Variants in SNX1 observed in about 807,000 individuals in gnomAD.
SNX1 encodes sorting nexin 1.
Under a neutral mutation model 71.8 loss-of-function variants are expected in SNX1, and 36 were observed. The observed-to-expected ratio is 0.50, with a 90% CI of 0.38 to 0.66. The LOEUF (loss-of-function observed/expected upper bound fraction) is 0.66, where lower values mean the gene tolerates loss of function less well. Ranked by LOEUF, SNX1 falls within the 30% of genes least tolerant of loss-of-function variation. The pLI, the probability that SNX1 is intolerant of heterozygous loss-of-function variation, is 0.00. For synonymous variants in SNX1, 254 were observed against 240.7 expected, an observed-to-expected ratio of 1.06 and a Z score of -0.51; for missense variants, 612 against 646.7, an observed-to-expected ratio of 0.95 and a Z score of 0.58.
In SNX1 at chr15:64,130,029, T is replaced by A. The variant is rs1436752565; in HGVS notation, c.921T>A (p.Ile307=). 4 of 1,608,916 alleles carry A rather than the reference T, an allele frequency of 2.5e-6. No homozygotes were observed. In the African/African-American group the frequency reaches 4.0e-5, roughly 16 times the overall value. Residue 307 remains isoleucine (I), a splice_region_variant and synonymous_variant, in exon 9 of 15, where the codon ATT becomes ATA. Transcript: ENST00000559844. ...KMTIKMNESD[I]WFEEKLQEVE... ...CCATCAAGATGAATGAATCAGACATTGTGAGTAGCCCTGTGCCTCTTACCT... is the reference window on the plus strand; with the variant it reads ...CCATCAAGATGAATGAATCAGACATAGTGAGTAGCCCTGTGCCTCTTACCT...
At chr15:64,126,050 AT>A (rs765522799) in intron 5 of SNX1, 28 bp from the exon 6 acceptor site, 4 of 1,613,284 alleles carry the variant, frequency 2.5e-6, no homozygotes, top group Non-Finnish European at 3.4e-6. Flanking sequence ...TTGGAATGAA[AT>A]TGCCTTGTGT....
At chr15:64,115,158 T>C (rs1029917680) in intron 2 of SNX1, among the ~76,000 whole-genome samples, 5 of 152,198 alleles carry the variant, frequency 3.3e-5, no homozygotes, top group Admixed American at 2.6e-4. Flanking sequence ...TACCCAGTGA[T>C]TGGGTTTTAT....
chr15:64,118,707 T>G (rs1366358080), intron 3 of SNX1, 81 bp from the exon 4 acceptor site: 2 of 985,746 alleles, frequency 2.0e-6, no homozygotes, highest in Non-Finnish European at 3.1e-6. Flanking sequence ...TTTTATTAGA[T>G]TGGTATAAGG....
In SNX1 at chr15:64,130,037, G is replaced by T; in HGVS notation, c.921+8G>T. On this transcript the variant is annotated splice_region_variant and intron_variant, in intron 9 of 14. Transcript: ENST00000559844. ...ATGAATGAATCAGACATTGTGAGTA[G>T]CCCTGTGCCTCTTACCTCCACCTAC... is the stretch of plus-strand genomic sequence containing the variant. The T allele has an allele frequency of 1.3e-6, 2 of 1,599,420 alleles. No individual in the cohort carries two copies. Among genetic ancestry groups the T allele is most frequent in the Non-Finnish European group, 1.7e-6 (2 of 1,166,764 alleles).
chr15:64,130,687 C>T (rs2081297703), intron 10 of SNX1, among the ~76,000 whole-genome samples: 1 of 152,256 alleles, frequency 6.6e-6, no homozygotes, highest in East Asian at 1.9e-4. Flanking sequence ...AACCACCTGT[C>T]TCCTAATCCT....
At chr15:64,110,761 TC>T (rs758081217) in intron 1 of SNX1, among the ~76,000 whole-genome samples, 7 of 152,208 alleles carry the variant, frequency 4.6e-5, no homozygotes. Flanking sequence ...ACTCTAGTTT[TC>T]ACTGCAGTAT....
chr15:64,106,118 CAT>C (rs1231241338), intron 1 of SNX1, among the ~76,000 whole-genome samples: 1 of 152,076 alleles, frequency 6.6e-6, no homozygotes, highest in East Asian at 1.9e-4. Context: ...ACCATAATCT[CAT>C]ATAAAAATAT....
rs1255650146 is a variant in SNX1, at chr15:64,109,097, G to A, written c.160-3476G>A. The stretch of plus-strand genomic sequence containing the variant: ...AGAAAAATGCAGACCTAGGGTAGGC[G>A]CAGTGGCTCATGTCTGTAATCCCAG... On this transcript the variant is annotated intron_variant, in intron 1 of 14. Coordinates refer to ENST00000559844, the MANE Select transcript of SNX1 (RefSeq NM_003099.5). Among the ~76,000 whole-genome samples the A allele has an allele frequency of 4.7e-5, 7 of 150,234 alleles. No homozygotes were observed. In the South Asian group the frequency reaches 1.1e-3, roughly 23 times the overall value.
In SNX1 at chr15:64,134,857, G is replaced by T. The variant is rs758822069; in HGVS notation, c.1365+50G>T. ...CAGGGGTGTTCTGCTGGTTCCAAATGAACCCAGGGCCCATCCCACCCAGAG... is the reference window on the plus strand; with the variant it reads ...CAGGGGTGTTCTGCTGGTTCCAAATTAACCCAGGGCCCATCCCACCCAGAG... On this transcript the variant is annotated intron_variant, in intron 12 of 14. Transcript: ENST00000559844. The surrounding 1 kb of genome is among the most constrained non-coding windows in gnomAD (Gnocchi z 4.1). 3.7e-6 allele frequency: 6 copies of T among 1,604,508 alleles called. No homozygotes were observed. In the East Asian group the frequency reaches 1.1e-4, roughly 30 times the overall value.
At chr15:64,118,449 G>A (rs2081156002) in intron 3 of SNX1, among the ~76,000 whole-genome samples, 1 of 152,208 alleles carries the variant, frequency 6.6e-6, no homozygotes, top group Admixed American at 6.5e-5. Context: ...GGCTTTCAGT[G>A]GTTACTAAAG....
intron 3 of SNX1, 70 bp from the exon 4 acceptor site, chr15:64,118,718 T>G (rs1050409951): frequency 1.2e-4 from 143 of 1,162,364 alleles, no homozygotes; most frequent in Non-Finnish European, 1.8e-5. Context: ...TGGTATAAGG[T>G]TATTACAGGG....
chr15:64,115,023 A>G (rs1240386001), intron 2 of SNX1, among the ~76,000 whole-genome samples: 1 of 152,196 alleles, frequency 6.6e-6, no homozygotes, highest in Non-Finnish European at 1.5e-5. Context: ...TATGAAGGCA[A>G]ATAATGAATT....
chr15:64,139,347 GTTGT>G lies in SNX1; in HGVS notation c.*1736_*1739del, dbSNP rs2081392930. 7.4e-6 allele frequency: 1 copy of G among 135,758 alleles called. No homozygotes were observed. The highest frequency in any genetic ancestry group is 1.6e-5 in the Non-Finnish European group (1 of 64,302). 8.4% of individuals were successfully genotyped at this position (135,758 alleles called of 1,614,324 possible). On this transcript the variant is annotated 3_prime_UTR_variant, in exon 15 of 15. Transcript: ENST00000559844. Reference sequence around the variant, plus strand: ...CTTGTTGTTGGATTCTTGGTCAGGGGTTGTTTGTTTTGTTTTATTGGTAACTTTA... The same window carrying G: ...CTTGTTGTTGGATTCTTGGTCAGGGGTTGTTTTGTTTTATTGGTAACTTTA...
intron 1 of SNX1, among the ~76,000 whole-genome samples, chr15:64,097,257 G>C (rs1312008539): frequency 2.0e-5 from 3 of 152,246 alleles, no homozygotes; most frequent in Non-Finnish European, 4.4e-5. Context: ...GGGTTGCAGG[G>C]ATAGTAGCCT....
At chr15:64,096,438 C>T (rs1048917135) in intron 1 of SNX1, among the ~76,000 whole-genome samples, 1 of 152,220 alleles carries the variant, frequency 6.6e-6, no homozygotes, top group South Asian at 2.1e-4. Context: ...CGTCCTTTGA[C>T]CCTGCAGTGT....
In SNX1 at chr15:64,138,045, G is replaced by C; in HGVS notation, c.*427G>C. 1 of 1,524,246 alleles carries C rather than the reference G, an allele frequency of 6.6e-7. No homozygotes were observed. The highest frequency in any genetic ancestry group is 1.2e-5 in the South Asian group (1 of 80,996). The allele number at this position is 1,524,246 out of a possible 1,614,324, so 94.4% of individuals were successfully genotyped here. On this transcript the variant is annotated 3_prime_UTR_variant, in exon 15 of 15. Coordinates refer to ENST00000559844, the MANE Select transcript of SNX1 (RefSeq NM_003099.5). ...AATGTTGGTGGTTTTTGCTTAGGCTGGGGAGCAGTTGGGAATCAGGTCTGG... is the reference window on the plus strand; with the variant it reads ...AATGTTGGTGGTTTTTGCTTAGGCTCGGGAGCAGTTGGGAATCAGGTCTGG...
chr15:64,118,035 C>A, intron 2 of SNX1, 82 bp from the exon 3 acceptor site: 1 of 1,359,578 alleles, frequency 7.4e-7, no homozygotes, highest in Non-Finnish European at 1.0e-6. Flanking sequence ...TGCTATTGTT[C>A]TTGTAAGTTC....
intron 9 of SNX1, 56 bp downstream of exon 9, chr15:64,130,085 C>G: frequency 6.7e-7 from 1 of 1,497,332 alleles, no homozygotes; most frequent in Non-Finnish European, 9.3e-7. Flanking sequence ...TGGGTCAGAA[C>G]CCCTAAGGAG....
rs1222581666 is a variant in SNX1 at position 64,127,814 on chromosome 15, T to G, written c.807+8T>G. 1.9e-6 allele frequency: 3 copies of G among 1,609,016 alleles called. No homozygotes were observed. The highest frequency in any genetic ancestry group is 2.6e-6 in the Non-Finnish European group (3 of 1,175,482). ...TTCTTGGAAAAAGAAGAGGTTAGTA[T>G]TCAGTGCAAACTGAATTTCATAATT... On this transcript the variant is annotated splice_region_variant and intron_variant, in intron 8 of 14. Coordinates refer to ENST00000559844, the MANE Select transcript of SNX1 (RefSeq NM_003099.5).
Sources: allele counts gnomAD v4.1 joint callset (sites outside exome capture counted in the v4.1 genomes callset), GRCh38; gene constraint gnomAD v4.1.1; non-coding constraint Gnocchi (gnomAD v3.1); transcripts MANE v1.5; gene names NCBI Gene and HGNC (gene_info 2026-07-23, HGNC 2026-07-21).